The following SPTLC1 variants were observed in gnomAD, a reference collection of about 807,000 sequenced individuals.
SPTLC1 encodes the protein serine palmitoyltransferase 1.
SPTLC1 carries 55 observed loss-of-function variants against 68.9 expected under a neutral mutation model. The ratio of observed to expected loss-of-function variants is 0.80; its 90% CI spans 0.64 to 1.00. The LOEUF (loss-of-function observed/expected upper bound fraction) is 1.00. Ranked by LOEUF, SPTLC1 falls within the 50% of genes least tolerant of loss-of-function variation. SPTLC1 has a pLI of 0.00. For synonymous variants in SPTLC1, 197 were observed against 201.6 expected (o/e 0.98, Z 0.19); for missense variants, 449 against 573.1 (o/e 0.78, Z 2.21).
At chr9:92,035,865 G>A (rs1424366582) in intron 13 of SPTLC1, among the ~76,000 whole-genome samples, 3 of 152,222 alleles carry the variant, frequency 2.0e-5, no homozygotes, top group African/African-American at 7.2e-5. Context: ...TTGGAAAAGT[G>A]AACTCCTGCA....
At chr9:92,066,150 T>C (rs912525743) in intron 6 of SPTLC1, among the ~76,000 whole-genome samples, 2 of 152,016 alleles carry the variant, frequency 1.3e-5, no homozygotes, top group Non-Finnish European at 1.5e-5. Context: ...CACACAGATA[T>C]AAAATTATAA....
At position 92,035,882 on chromosome 9, in the gene SPTLC1, T is replaced by C. The variant is rs572512563; in HGVS notation, c.1255-999A>G. On this transcript the variant is annotated intron_variant, in intron 13 of 14. Transcript: ENST00000262554. ...GGAAAAGTGAACTCCTGCAAACATCTGGACTGGCTCTGTTTCTAGCCCTGG... is the reference window on the plus strand; with the variant it reads ...GGAAAAGTGAACTCCTGCAAACATCCGGACTGGCTCTGTTTCTAGCCCTGG... Among the ~76,000 whole-genome samples the C allele has an allele frequency of 8.5e-5, 13 of 152,330 alleles. No homozygotes were observed. The East Asian group carries it at 2.3e-3, about 27-fold the overall frequency.
intron 13 of SPTLC1, among the ~76,000 whole-genome samples, chr9:92,038,011 T>C (rs1455343534): frequency 6.6e-6 from 1 of 152,298 alleles, no homozygotes; most frequent in East Asian, 1.9e-4. Context: ...ACAATATCTT[T>C]GGAGGGAGCC....
At chr9:92,053,808 G>A (rs556110300) in intron 8 of SPTLC1, 25 of 291,640 alleles carry the variant, frequency 8.6e-5, no homozygotes, top group South Asian at 5.3e-4. Flanking sequence ...GGTCTTCTTC[G>A]TGAGTCATGA....
intron 6 of SPTLC1, among the ~76,000 whole-genome samples, chr9:92,059,660 T>A (rs1222486476): frequency 6.6e-6 from 1 of 152,228 alleles, no homozygotes. Flanking sequence ...ATCTCTGATA[T>A]GACTGACACA....
intron 10 of SPTLC1, 73 bp downstream of exon 10, chr9:92,047,540 C>CAA (rs1348388388): frequency 9.4e-7 from 1 of 1,058,260 alleles, no homozygotes. Flanking sequence ...TTTCGTATTT[C>CAA]AAAATTATAT....
intron 8 of SPTLC1, among the ~76,000 whole-genome samples, chr9:92,054,239 C>A (rs1833805291): frequency 6.6e-6 from 1 of 152,206 alleles, no homozygotes. Context: ...CGAGATCGTG[C>A]CATTGCACTC....
intron 8 of SPTLC1, among the ~76,000 whole-genome samples, chr9:92,053,113 C>CCAAA (rs199935337): frequency 3.4e-5 from 5 of 147,618 alleles, no homozygotes; most frequent in South Asian, 2.2e-4. Flanking sequence ...ATACGCATGG[C>CCAAA]CAAACAAACA....
At chr9:92,056,706 G>A (rs767167364) in intron 7 of SPTLC1, among the ~76,000 whole-genome samples, 1 of 152,148 alleles carries the variant, frequency 6.6e-6, no homozygotes, top group Non-Finnish European at 1.5e-5. Context: ...CTAAGTTTCT[G>A]CTCCAATGGA....
At chr9:92,076,509 TC>T (rs535065259) in intron 5 of SPTLC1, among the ~76,000 whole-genome samples, 220 of 152,328 alleles carry the variant, frequency 1.4e-3, no homozygotes, top group African/African-American at 5.1e-3. Flanking sequence ...CATGGAAAGC[TC>T]CTTCTCCCTG....
chr9:92,105,192 C>T (rs1474118690), intron 3 of SPTLC1: 67 of 1,533,944 alleles, frequency 4.4e-5, no homozygotes, highest in Middle Eastern at 4.6e-4. Context: ...TCGGGGCCAC[C>T]GCTGCAGCTG....
intron 3 of SPTLC1, chr9:92,104,385 T>C (rs1835875757): frequency 7.1e-7 from 1 of 1,399,558 alleles, no homozygotes; most frequent in East Asian, 2.5e-5. Flanking sequence ...GTCAGCGACA[T>C]CTTGGGCCTT....
chr9:92,075,927 T>C (rs1394828760), intron 5 of SPTLC1, among the ~76,000 whole-genome samples: 2 of 152,148 alleles, frequency 1.3e-5, no homozygotes, highest in Non-Finnish European at 2.9e-5. Flanking sequence ...ATTTCCCTTT[T>C]TCCTGTCCCT....
chr9:92,092,951 T>C (rs1332922163), intron 3 of SPTLC1, among the ~76,000 whole-genome samples: 2 of 152,248 alleles, frequency 1.3e-5, no homozygotes, highest in Non-Finnish European at 2.9e-5. Context: ...TGCCCTAGAC[T>C]GCATGAGAGT....
chr9:92,057,332 G>A (rs1235906563), intron 7 of SPTLC1, among the ~76,000 whole-genome samples: 2 of 151,950 alleles, frequency 1.3e-5, no homozygotes, highest in East Asian at 1.9e-4. Flanking sequence ...ATCATTTCTC[G>A]TAAGTTTTTA....
chr9:92,115,381 T>C lies in SPTLC1; in HGVS notation c.-11A>G. 1 of 1,613,136 alleles carries C rather than the reference T, an allele frequency of 6.2e-7. No individual in the cohort carries two copies. Among genetic ancestry groups the C allele is most frequent in the Admixed American group, 1.7e-5 (1 of 60,032 alleles). ...CGTGGCGGTCGCCATAGTTAGCCGC[T>C]TCCTTCCGGAAGGCGGGTCACAAGC... On this transcript the variant is annotated 5_prime_UTR_variant, in exon 1 of 15. Transcript: ENST00000262554.
At chr9:92,105,121 T>C in intron 3 of SPTLC1, 1 of 1,533,660 alleles carries the variant, frequency 6.5e-7, no homozygotes, top group East Asian at 2.4e-5. Flanking sequence ...CTGCAGCTCT[T>C]GGATCAAGTA....
intron 3 of SPTLC1, among the ~76,000 whole-genome samples, chr9:92,091,330 A>G (rs930287965): frequency 3.9e-5 from 6 of 152,210 alleles, no homozygotes; most frequent in Non-Finnish European, 8.8e-5. Flanking sequence ...AGACTTGGGT[A>G]AAATTTTGAG....
chr9:92,068,933 T>C lies in SPTLC1; in HGVS notation c.428-835A>G, dbSNP rs1404243649. Among the ~76,000 whole-genome samples the C allele has an allele frequency of 2.6e-5, 4 of 152,140 alleles. No homozygotes were observed. The East Asian group carries it at 7.7e-4, about 29-fold the overall frequency. ...CATTATCAAGGAGGGAAAGGGATTT[T>C]AAAAAATTCCCTTAGCTCTTTTAAC... On this transcript the variant is annotated intron_variant, in intron 5 of 14. Coordinates refer to ENST00000262554, the MANE Select transcript of SPTLC1 (RefSeq NM_006415.4).
Sources: gnomAD v4.1 joint callset for allele counts (sites outside exome capture counted in the v4.1 genomes callset) on GRCh38, gnomAD v4.1.1 for gene constraint, MANE v1.5 for transcripts, NCBI Gene and HGNC (gene_info 2026-07-23, HGNC 2026-07-21) for gene names.